Variants in DCDC2C observed in about 807,000 individuals in gnomAD.
The protein encoded by DCDC2C is doublecortin domain containing 2C, also known as doublecortin domain-containing protein 2C.
DCDC2C carries 44 observed loss-of-function variants against 45.0 expected under a neutral mutation model. The observed-to-expected ratio is 0.98, with a 90% CI of 0.77 to 1.26. The LOEUF (loss-of-function observed/expected upper bound fraction) is 1.26, where lower values mean the gene tolerates loss of function less well. Ranked by LOEUF, DCDC2C falls within the 50% of genes most tolerant of loss-of-function variation. The pLI is 0.00. For missense variants in DCDC2C, 447 were observed against 468.9 expected (o/e 0.95, Z 0.43); for synonymous variants, 187 against 178.8 (o/e 1.05, Z -0.37).
intron 8 of DCDC2C, among the ~76,000 whole-genome samples, chr2:3,771,438 G>T (rs1006583494): frequency 6.6e-6 from 1 of 152,240 alleles, no homozygotes; most frequent in Non-Finnish European, 1.5e-5. Flanking sequence ...CTTTGAAAAT[G>T]CACACGTGGG....
intron 2 of DCDC2C, among the ~76,000 whole-genome samples, chr2:3,715,102 T>A (rs994867553): frequency 6.6e-5 from 10 of 152,234 alleles, no homozygotes; most frequent in African/African-American, 2.2e-4. Context: ...ATGTATTTAT[T>A]TAAACAAAAT....
At chr2:3,778,007 C>A (rs1473103797) in intron 8 of DCDC2C, among the ~76,000 whole-genome samples, 1 of 150,442 alleles carries the variant, frequency 6.6e-6, no homozygotes, top group Non-Finnish European at 1.5e-5. Flanking sequence ...AGTCAGGAAA[C>A]AGGAGGCGCC....
chr2:3,815,881 A>G (rs1020238135), intron 10 of DCDC2C, among the ~76,000 whole-genome samples: 2 of 152,232 alleles, frequency 1.3e-5, no homozygotes, highest in Non-Finnish European at 2.9e-5. Context: ...GGATGTATAC[A>G]TGCAGGTCAC....
At chr2:3,760,230 G>C (rs1342093056) in intron 6 of DCDC2C, among the ~76,000 whole-genome samples, 1 of 152,220 alleles carries the variant, frequency 6.6e-6, no homozygotes, top group Non-Finnish European at 1.5e-5. Flanking sequence ...ATTTTGAATA[G>C]AAGAAAATAT....
intron 10 of DCDC2C, among the ~76,000 whole-genome samples, chr2:3,842,105 T>A (rs1672228652): frequency 6.6e-6 from 1 of 152,140 alleles, no homozygotes; most frequent in South Asian, 2.1e-4. Flanking sequence ...TTTTTAAAAA[T>A]AGACAATATG....
intron 10 of DCDC2C, among the ~76,000 whole-genome samples, chr2:3,806,416 G>C (rs1399813415): frequency 6.6e-6 from 1 of 152,194 alleles, no homozygotes; most frequent in African/African-American, 2.4e-5. Flanking sequence ...AGCGAAGCTC[G>C]CCTGTGTTCT....
At chr2:3,828,714 C>T (rs537062300) in intron 10 of DCDC2C, among the ~76,000 whole-genome samples, 26 of 152,298 alleles carry the variant, frequency 1.7e-4, no homozygotes, top group Admixed American at 5.2e-4. Context: ...TAGTGGCCAT[C>T]AATCCTACCA....
chr2:3,827,528 T>A (rs578133020), intron 10 of DCDC2C, among the ~76,000 whole-genome samples: 113 of 152,234 alleles, frequency 7.4e-4, no homozygotes, highest in African/African-American at 2.6e-3. Flanking sequence ...CTAATTGGGG[T>A]TTCAGCTTCA....
intron 2 of DCDC2C, among the ~76,000 whole-genome samples, chr2:3,717,772 T>C (rs35114817): frequency 0.27 from 41,225 of 152,124 alleles, 5,815 homozygotes; most frequent in Non-Finnish European, 0.31. Context: ...CCTCCCTCTG[T>C]GTCTAGGATC....
chr2:3,747,969 A>T (rs1336829984), intron 4 of DCDC2C, among the ~76,000 whole-genome samples: 1 of 152,204 alleles, frequency 6.6e-6, no homozygotes, highest in East Asian at 1.9e-4. Context: ...TCTGAATGGC[A>T]CAGAGAAGTA....
chr2:3,805,359 T>G (rs936957841), intron 10 of DCDC2C, among the ~76,000 whole-genome samples: 1 of 152,174 alleles, frequency 6.6e-6, no homozygotes, highest in Non-Finnish European at 1.5e-5. Context: ...TGACAATGGA[T>G]AGGATTGACA....
chr2:3,741,279 A>G (rs772780220), intron 3 of DCDC2C, among the ~76,000 whole-genome samples: 3 of 152,234 alleles, frequency 2.0e-5, no homozygotes, highest in Non-Finnish European at 2.9e-5. Flanking sequence ...GCTCCAGAGA[A>G]AGGGAAAACA....
chr2:3,812,474 GTCT>G (rs1215537269), intron 10 of DCDC2C, among the ~76,000 whole-genome samples: 2 of 151,812 alleles, frequency 1.3e-5, no homozygotes, highest in African/African-American at 4.8e-5. Flanking sequence ...CTCTTCTCTT[GTCT>G]TCTTTATTAG....
At chr2:3,791,057 C>T (rs543317752) in intron 10 of DCDC2C, among the ~76,000 whole-genome samples, 6 of 152,102 alleles carry the variant, frequency 3.9e-5, no homozygotes, top group South Asian at 2.1e-4. Context: ...TTGCAGGAGC[C>T]GAGATCGCGC....
At chr2:3,730,075 C>A (rs1288864070) in intron 3 of DCDC2C, among the ~76,000 whole-genome samples, 1 of 152,166 alleles carries the variant, frequency 6.6e-6, no homozygotes, top group Non-Finnish European at 1.5e-5. Context: ...TCAGGAGGAG[C>A]TGAGAGACAG....
chr2:3,784,117 G>T (rs946950923), intron 9 of DCDC2C, among the ~76,000 whole-genome samples: 2 of 152,098 alleles, frequency 1.3e-5, no homozygotes, highest in Non-Finnish European at 2.9e-5. Flanking sequence ...TAATAAAAAT[G>T]AGGTTTTTTT....
chr2:3,797,242 T>G (rs1305722015), intron 10 of DCDC2C, among the ~76,000 whole-genome samples: 2 of 152,334 alleles, frequency 1.3e-5, no homozygotes, highest in South Asian at 2.1e-4. Flanking sequence ...TTATTGCGTC[T>G]ATTTGATTCT....
At chr2:3,755,303 A>C (rs760133438) in intron 6 of DCDC2C, among the ~76,000 whole-genome samples, 4 of 149,614 alleles carry the variant, frequency 2.7e-5, no homozygotes, top group Non-Finnish European at 5.9e-5. Context: ...ATGTGTGTGC[A>C]TATGAATACA....
At chr2:3,728,556 T>C (rs1282961357) in intron 3 of DCDC2C, among the ~76,000 whole-genome samples, 1 of 152,120 alleles carries the variant, frequency 6.6e-6, no homozygotes, top group Non-Finnish European at 1.5e-5. Context: ...ATGATTATTT[T>C]TTTCAATGAG....
Sources: allele counts gnomAD v4.1 joint callset (sites outside exome capture counted in the v4.1 genomes callset), GRCh38; gene constraint gnomAD v4.1.1; transcripts MANE v1.5; gene names NCBI Gene and HGNC (gene_info 2026-07-23, HGNC 2026-07-21).